Variants in SMC6 observed in about 807,000 individuals in gnomAD.
The protein encoded by SMC6 is structural maintenance of chromosomes 6, also known as structural maintenance of chromosomes protein 6.
A neutral mutation model predicts 142.2 loss-of-function variants in SMC6; 79 were observed. The ratio of observed to expected loss-of-function variants is 0.56; its 90% CI spans 0.46 to 0.67. The LOEUF is 0.67. SMC6 is among the 30% of genes least tolerant of loss of function. The pLI is 0.00. For missense variants in SMC6, 1,072 were observed against 1,284.0 expected (o/e 0.83, Z 2.52); for synonymous variants, 411 against 412.4 (o/e 1.00, Z 0.04).
chr2:17,703,148 T>A lies in SMC6; in HGVS notation c.2142+9A>T, dbSNP rs925889490. On this transcript the variant is annotated intron_variant, in intron 19 of 27. Coordinates refer to ENST00000448223, the MANE Select transcript of SMC6 (RefSeq NM_001142286.2). ...AACAAAAGAAGGTTTATTATTATTA[T>A]TTTTTTACCTTTAGTTCTTTATAAT... 7.5e-7 allele frequency: 1 copy of A among 1,337,632 alleles called. No individual in the cohort carries two copies. The highest frequency in any genetic ancestry group is 1.0e-6 in the Non-Finnish European group (1 of 973,666). 82.9% of individuals were successfully genotyped at this position (1,337,632 alleles called of 1,614,324 possible). A position where few individuals can be genotyped will look rare whatever the true frequency, so the allele number is the denominator to read the frequency against.
chr2:17,683,860 G>T, intron 23 of SMC6, 97 bp from the exon 24 acceptor site: 1 of 1,155,554 alleles, frequency 8.7e-7, no homozygotes, highest in Non-Finnish European at 1.3e-6. Context: ...AACAGGGAGG[G>T]GCAGAGAGTA....
At chr2:17,742,167 T>G (rs9808390) in intron 3 of SMC6, among the ~76,000 whole-genome samples, 1 of 152,192 alleles carries the variant, frequency 6.6e-6, no homozygotes, top group African/African-American at 2.4e-5. Context: ...GAATCCCCTT[T>G]GTTGAGAACT....
intron 23 of SMC6, among the ~76,000 whole-genome samples, chr2:17,694,162 G>T (rs1029067814): frequency 5.3e-5 from 8 of 152,132 alleles, no homozygotes; most frequent in African/African-American, 1.9e-4. Context: ...CTTCATGGAG[G>T]TAGAGTTGAA....
intron 18 of SMC6, among the ~76,000 whole-genome samples, chr2:17,703,800 T>C (rs1462730595): frequency 6.6e-6 from 1 of 152,136 alleles, no homozygotes; most frequent in Non-Finnish European, 1.5e-5. Context: ...ATATACTGTA[T>C]TTGTAGTATA....
At position 17,739,304 on chromosome 2, in the gene SMC6, G is replaced by GC. The variant is rs1461170149; in HGVS notation, c.239-979_239-978insG. Among the ~76,000 whole-genome samples the GC allele has an allele frequency of 2.6e-5, 4 of 151,966 alleles. 1 individual carries two copies. Among genetic ancestry groups the GC allele is most frequent in the Non-Finnish European group, 5.9e-5 (4 of 67,980 alleles). On this transcript the variant is annotated intron_variant, in intron 4 of 27. Transcript: ENST00000448223. Reference sequence around the variant, plus strand: ...TGGGAGGCTCATCTGAGACCAGAGAGACCAGCCTGAGCAACAGAGAAACAC... The same window carrying GC: ...TGGGAGGCTCATCTGAGACCAGAGAGCACCAGCCTGAGCAACAGAGAAACAC...
chr2:17,695,890 ACT>A (rs1161225191), intron 22 of SMC6, among the ~76,000 whole-genome samples: 1 of 152,210 alleles, frequency 6.6e-6, no homozygotes, highest in African/African-American at 2.4e-5. Flanking sequence ...ACACCGGGTC[ACT>A]GCTTAGAATT....
At chr2:17,698,318 C>T (rs1184402458) in intron 21 of SMC6, among the ~76,000 whole-genome samples, 1 of 151,952 alleles carries the variant, frequency 6.6e-6, no homozygotes, top group East Asian at 1.9e-4. Context: ...TTGAGTTTTT[C>T]TATATCCTTG....
chr2:17,686,385 G>A (rs1212766754), intron 23 of SMC6, among the ~76,000 whole-genome samples: 2 of 152,100 alleles, frequency 1.3e-5, no homozygotes, highest in African/African-American at 4.8e-5. Context: ...GGGAGGGTGA[G>A]GCAGGAGAAT....
intron 23 of SMC6, among the ~76,000 whole-genome samples, chr2:17,690,728 T>A (rs1274720244): frequency 6.6e-6 from 1 of 151,600 alleles, no homozygotes; most frequent in Non-Finnish European, 1.5e-5. Flanking sequence ...CATAGAAAAA[T>A]AAATATAAAT....
intron 24 of SMC6, among the ~76,000 whole-genome samples, chr2:17,683,259 G>A (rs908385009): frequency 7.9e-5 from 12 of 152,116 alleles, no homozygotes; most frequent in Admixed American, 3.9e-4. Context: ...ATGGAGCTAC[G>A]TCATTCTAGT....
In SMC6 at chr2:17,701,890, A is replaced by T. The variant is rs1317973083; in HGVS notation, c.2162T>A (p.Ile721Asn). ...GTTCTCAAGTTCCCGAATTTCAGAA[A>T]TATTTTTTCTTATTTTCATCTAAAA... ...KELKMKIRKN[I>N]SEIRELENIE... Residue 721 changes from isoleucine (I) to asparagine (N), a missense_variant, in exon 20 of 28, where the codon ATT (isoleucine) becomes AAT (asparagine). Coordinates refer to ENST00000448223, the MANE Select transcript of SMC6 (RefSeq NM_001142286.2). 8 of 1,572,250 alleles carry T rather than the reference A, an allele frequency of 5.1e-6. No individual in the cohort carries two copies. The highest frequency in any genetic ancestry group is 6.9e-6 in the Non-Finnish European group (8 of 1,154,244).
At chr2:17,741,495 T>C in intron 4 of SMC6, 117 bp downstream of exon 4, 2 of 633,182 alleles carry the variant, frequency 3.2e-6, no homozygotes, top group East Asian at 5.3e-5. Context: ...TAACCACAAG[T>C]TATACATCTA....
intron 8 of SMC6, among the ~76,000 whole-genome samples, chr2:17,725,803 A>G (rs1210820443): frequency 1.3e-5 from 2 of 152,196 alleles, no homozygotes; most frequent in East Asian, 1.9e-4. Context: ...TAATAGTTTA[A>G]GATTTACAGC....
chr2:17,733,776 C>T (rs758054722), intron 5 of SMC6, among the ~76,000 whole-genome samples: 13 of 152,106 alleles, frequency 8.5e-5, no homozygotes, highest in Non-Finnish European at 1.9e-4. Context: ...ACCACTTAGG[C>T]AGGCTAATAA....
chr2:17,694,962 T>C (rs942235383), intron 23 of SMC6, among the ~76,000 whole-genome samples, 190 bp downstream of exon 23: 1 of 152,250 alleles, frequency 6.6e-6, no homozygotes, highest in African/African-American at 2.4e-5. Flanking sequence ...ATAATGAGTT[T>C]TGTAATAGTT....
chr2:17,741,488 C>G, intron 4 of SMC6, 124 bp downstream of exon 4: 1 of 615,266 alleles, frequency 1.6e-6, no homozygotes, highest in Non-Finnish European at 2.8e-6. Flanking sequence ...ATATTCATAA[C>G]CACAAGTTAT....
intron 16 of SMC6, among the ~76,000 whole-genome samples, chr2:17,711,249 A>C (rs1156421652): frequency 2.0e-5 from 3 of 152,146 alleles, no homozygotes; most frequent in Non-Finnish European, 4.4e-5. Flanking sequence ...TTTACCTCAT[A>C]CTGGCTTATA....
chr2:17,701,853 G>T lies in SMC6; in HGVS notation c.2199C>A (p.His733Gln). Residue 733 changes from histidine to glutamine, a missense_variant, in exon 20 of 28, where the codon CAC (histidine) becomes CAA (glutamine). By Grantham distance (24) the His-to-Gln change is conservative. Coordinates refer to ENST00000448223, the MANE Select transcript of SMC6 (RefSeq NM_001142286.2). ...EIRELENIEE[H>Q]QSVDIATLED... ...CCAAAGTTGCAATATCTACAGACTG[G>T]TGTTCTTCTATGTTCTCAAGTTCCC... is the stretch of plus-strand genomic sequence containing the variant. The T allele has an allele frequency of 6.3e-7, 1 of 1,579,050 alleles. No homozygotes were observed. The highest frequency in any genetic ancestry group is 1.2e-5 in the South Asian group (1 of 85,896).
chr2:17,735,467 T>C (rs1433215990), intron 5 of SMC6, among the ~76,000 whole-genome samples: 1 of 152,192 alleles, frequency 6.6e-6, no homozygotes, highest in Non-Finnish European at 1.5e-5. Flanking sequence ...CTGTAATAAG[T>C]TCTGTATCCC....
Sources: gnomAD v4.1 joint callset for allele counts (sites outside exome capture counted in the v4.1 genomes callset) on GRCh38, gnomAD v4.1.1 for gene constraint, MANE v1.5 for transcripts, NCBI Gene and HGNC (gene_info 2026-07-23, HGNC 2026-07-21) for gene names.